Variants in RIC1 observed in about 807,000 individuals in gnomAD.
The protein encoded by RIC1 is RIC1 partner of RAB6A GEF complex.
Under a neutral mutation model 169.0 loss-of-function variants are expected in RIC1, and 88 were observed. The ratio of observed to expected loss-of-function variants is 0.52; its 90% CI spans 0.44 to 0.62. RIC1 has a LOEUF of 0.62. Ranked by LOEUF, RIC1 falls within the 20% of genes least tolerant of loss-of-function variation. The probability of loss-of-function intolerance (pLI) is 0.00; values close to 1 mark genes in which losing one functional copy is unlikely to be tolerated. For missense variants in RIC1, 1,877 were observed against 1,725.5 expected (o/e 1.09, Z -1.56); for synonymous variants, 790 against 601.5 (o/e 1.31, Z -4.59).
rs16923368 is a variant in RIC1 at position 5,690,079 on chromosome 9, A to C, written c.332+41A>C. 2.6e-3 allele frequency: 3,401 copies of C among 1,304,712 alleles called. 85 individuals carry two copies. In the African/African-American group the frequency reaches 0.046, roughly 18 times the overall value. The allele number at this position is 1,304,712 out of a possible 1,614,324, so 80.8% of individuals were successfully genotyped here. A position where few individuals can be genotyped will look rare whatever the true frequency, so the allele number is the denominator to read the frequency against. ...TTCATTCTTTTAATATGTGATTTGC[A>C]TACTTTATATTCAGAAAAACATTAC... On this transcript the variant is annotated intron_variant, in intron 3 of 25. Coordinates refer to ENST00000414202, the MANE Select transcript of RIC1 (RefSeq NM_020829.4).
intron 4 of RIC1, among the ~76,000 whole-genome samples, chr9:5,714,438 G>C (rs1823115792): frequency 6.6e-6 from 1 of 152,154 alleles, no homozygotes; most frequent in Admixed American, 6.6e-5. Context: ...TTATGACAAA[G>C]TGGCCAGAAA....
intron 3 of RIC1, among the ~76,000 whole-genome samples, chr9:5,697,387 T>C (rs1821967355): frequency 6.6e-6 from 1 of 152,140 alleles, no homozygotes; most frequent in Non-Finnish European, 1.5e-5. Context: ...TGTCTGAATA[T>C]GGTTGGTTGA....
chr9:5,705,916 C>T (rs1328846503), intron 3 of RIC1, among the ~76,000 whole-genome samples: 2 of 152,026 alleles, frequency 1.3e-5, no homozygotes, highest in Non-Finnish European at 2.9e-5. Flanking sequence ...GATTTTTCCC[C>T]TTCATTCTAT....
chr9:5,769,310 A>AT (rs1563724923), intron 22 of RIC1, 54 bp downstream of exon 22: 1 of 1,613,986 alleles, frequency 6.2e-7, no homozygotes, highest in South Asian at 1.1e-5. Context: ...TACTCCGTGT[A>AT]TTTACACATT....
intron 3 of RIC1, among the ~76,000 whole-genome samples, chr9:5,700,064 G>A (rs1011491691): frequency 2.1e-5 from 3 of 142,544 alleles, no homozygotes; most frequent in Middle Eastern, 3.4e-3. Flanking sequence ...CAGGGTCATC[G>A]TTCCATGGGC....
intron 1 of RIC1, among the ~76,000 whole-genome samples, chr9:5,641,857 A>T (rs960538954): frequency 4.9e-5 from 7 of 144,236 alleles, no homozygotes; most frequent in Admixed American, 1.3e-4. Context: ...TTTCCTCAAC[A>T]TAGCTATTTT....
intron 2 of RIC1, among the ~76,000 whole-genome samples, chr9:5,684,070 A>G (rs2130666260): frequency 6.6e-6 from 1 of 152,190 alleles, no homozygotes; most frequent in South Asian, 2.1e-4. Context: ...AGGAAAGGGA[A>G]TTCCCTGACC....
intron 6 of RIC1, among the ~76,000 whole-genome samples, chr9:5,729,651 A>G (rs1476975361): frequency 6.6e-6 from 1 of 152,100 alleles, no homozygotes; most frequent in African/African-American, 2.4e-5. Context: ...TCTCTCTTTA[A>G]CTGGAAAGGA....
At chr9:5,665,518 C>G (rs1819701093) in intron 2 of RIC1, among the ~76,000 whole-genome samples, 1 of 152,142 alleles carries the variant, frequency 6.6e-6, no homozygotes, top group Admixed American at 6.5e-5. Flanking sequence ...AGAATAGGCA[C>G]TCTGGTTTTT....
chr9:5,639,250 T>C (rs534677813), intron 1 of RIC1, among the ~76,000 whole-genome samples: 60 of 152,364 alleles, frequency 3.9e-4, no homozygotes, highest in African/African-American at 1.4e-3. Context: ...TAAATTTCTC[T>C]GTTAATACTG....
At chr9:5,773,813 C>G in intron 25 of RIC1, 145 bp from the exon 26 acceptor site, 1 of 712,456 alleles carries the variant, frequency 1.4e-6, no homozygotes, top group Non-Finnish European at 2.2e-6. Context: ...AGAAGCCTTT[C>G]CTCCCTACCT....
At chr9:5,710,616 A>G (rs1822871720) in intron 3 of RIC1, among the ~76,000 whole-genome samples, 1 of 152,220 alleles carries the variant, frequency 6.6e-6, no homozygotes, top group Non-Finnish European at 1.5e-5. Flanking sequence ...ATTGTTAGCC[A>G]TTTTAGGAAA....
At chr9:5,695,941 T>A (rs960129833) in intron 3 of RIC1, among the ~76,000 whole-genome samples, 6 of 135,674 alleles carry the variant, frequency 4.4e-5, no homozygotes, top group Admixed American at 7.3e-5. Flanking sequence ...CCAAACATGC[T>A]ATTGCTTTGC....
rs1003686124 is a variant in RIC1, at chr9:5,700,213, A to G, written c.332+10175A>G. Among the ~76,000 whole-genome samples the G allele has an allele frequency of 3.3e-5, 5 of 152,164 alleles. No homozygotes were observed. The South Asian group carries it at 6.2e-4, about 19-fold the overall frequency. On this transcript the variant is annotated intron_variant, in intron 3 of 25. Coordinates refer to ENST00000414202, the MANE Select transcript of RIC1 (RefSeq NM_020829.4). ...TGACCGACACTTCTTAGCTAGTTCT[A>G]TAAATTTTGTTAGTTTGTTTTTGTT...
chr9:5,660,002 C>T (rs1361930603), intron 2 of RIC1, among the ~76,000 whole-genome samples: 1 of 152,152 alleles, frequency 6.6e-6, no homozygotes, highest in Non-Finnish European at 1.5e-5. Context: ...TCATCCTGCG[C>T]CCTGCCCCTC....
intron 2 of RIC1, among the ~76,000 whole-genome samples, chr9:5,684,691 T>C (rs888071229): frequency 1.3e-5 from 2 of 152,160 alleles, no homozygotes; most frequent in Admixed American, 6.5e-5. Context: ...TTCTCCCCAA[T>C]TTATATACCT....
chr9:5,686,220 G>A lies in RIC1; in HGVS notation c.253-3739G>A, dbSNP rs1254070698. ...CAACCATTGTGGAAGTCAGTGTGGC[G>A]ATTCCTCAGGGATCTAGAACTAGAA... On this transcript the variant is annotated intron_variant, in intron 2 of 25. Coordinates refer to ENST00000414202, the MANE Select transcript of RIC1 (RefSeq NM_020829.4). Among the ~76,000 whole-genome samples the A allele has an allele frequency of 2.3e-4, 35 of 151,646 alleles. 1 individual carries two copies. In the South Asian group the frequency reaches 6.9e-3, roughly 30 times the overall value.
intron 3 of RIC1, among the ~76,000 whole-genome samples, chr9:5,704,871 C>T (rs2381366): frequency 0.31 from 46,677 of 151,998 alleles, 8,235 homozygotes; most frequent in East Asian, 0.62. Flanking sequence ...AAGGATCCAA[C>T]TTAATTCTTT....
chr9:5,700,485 A>C (rs1471635347), intron 3 of RIC1, among the ~76,000 whole-genome samples: 1 of 152,110 alleles, frequency 6.6e-6, no homozygotes, highest in Non-Finnish European at 1.5e-5. Flanking sequence ...TCCATCTACA[A>C]ATCTTAAAAA....
Sources: gnomAD v4.1 joint callset for allele counts (sites outside exome capture counted in the v4.1 genomes callset) on GRCh38, gnomAD v4.1.1 for gene constraint, MANE v1.5 for transcripts, NCBI Gene and HGNC (gene_info 2026-07-23, HGNC 2026-07-21) for gene names.